TLCD1: variants seen among roughly 807,000 people sequenced by gnomAD.
TLCD1 encodes TLC domain-containing protein 1.
TLCD1 carries 21 observed loss-of-function variants against 21.2 expected under a neutral mutation model. The observed-to-expected ratio is 0.99, with a 90% confidence interval of 0.70 to 1.42. The LOEUF (loss-of-function observed/expected upper bound fraction) is 1.42, where lower values mean the gene tolerates loss of function less well. TLCD1 is among the 40% of genes most tolerant of loss of function. The probability of loss-of-function intolerance (pLI) is 0.00; values close to 1 mark genes in which losing one functional copy is unlikely to be tolerated. For synonymous variants in TLCD1, 168 were observed against 134.8 expected, an observed-to-expected ratio of 1.25 and a Z score of -1.71; for missense variants, 344 against 330.3, an observed-to-expected ratio of 1.04 and a Z score of -0.32.
chr17:28,725,585 G>T (rs758081497), intron 1 of TLCD1, 22 bp from the exon 2 acceptor site: 9 of 1,610,910 alleles, frequency 5.6e-6, no homozygotes, highest in East Asian at 2.2e-5. Context: ...GGAAGAGGAG[G>T]CTCTGCATTT....
At chr17:28,726,951 C>T, upstream of TLCD1, 1 of 786,666 alleles carries the variant, frequency 1.3e-6, no homozygotes, top group Non-Finnish European at 2.1e-6. Flanking sequence ...TGGAGTGACC[C>T]GCGCTCTCCA....
chr17:28,725,574 G>A lies in TLCD1; in HGVS notation c.195-11C>T, dbSNP rs766593612. 6.2e-7 allele frequency: 1 copy of A among 1,613,686 alleles called. No homozygotes were observed. The highest frequency in any genetic ancestry group is 8.5e-7 in the Non-Finnish European group (1 of 1,179,672). Reference sequence around the variant, plus strand: ...GGAGTCTGCCATACACTGGAAAGGAGGGAAGAGGAGGCTCTGCATTTCGGC... The same window carrying A: ...GGAGTCTGCCATACACTGGAAAGGAAGGAAGAGGAGGCTCTGCATTTCGGC... On this transcript the variant is annotated splice_polypyrimidine_tract_variant and intron_variant, in intron 1 of 3. Transcript: ENST00000292090.
intron 3 of TLCD1, 46 bp from the exon 4 acceptor site, chr17:28,724,939 C>T (rs989803430): frequency 6.4e-7 from 1 of 1,571,564 alleles, no homozygotes. Flanking sequence ...GATGCAGACG[C>T]TTTCCTGGAA....
Position 28,725,496 on chromosome 17 carries a change from C to G in TLCD1, c.262G>C (p.Val88Leu), listed in dbSNP as rs746546574. ...TAWSLSGYLL[V>L]CFSAGYFIHD... ...CAAGACCTACCCGCAGAGAAGCAAACGAGCAAATAGCCAGAAAGTGACCAC... is the reference window on the plus strand; with the variant it reads ...CAAGACCTACCCGCAGAGAAGCAAAGGAGCAAATAGCCAGAAAGTGACCAC... Residue 88 changes from valine to leucine, a missense_variant, in exon 2 of 4, where the codon GTT becomes CTT. Transcript: ENST00000292090. 3 of 1,614,154 alleles carry G rather than the reference C, an allele frequency of 1.9e-6. No homozygotes were observed. Among genetic ancestry groups the G allele is most frequent in the Non-Finnish European group, 2.5e-6 (3 of 1,180,000 alleles).
At chr17:28,726,263 G>A (rs1597800911), upstream of TLCD1, 29 of 1,243,032 alleles carry the variant, frequency 2.3e-5, no homozygotes, top group South Asian at 8.3e-4. Flanking sequence ...CCCTCCCTGC[G>A]AGGCCTCTGC....
chr17:28,725,638 G>T, intron 1 of TLCD1, 75 bp from the exon 2 acceptor site: 1 of 1,491,372 alleles, frequency 6.7e-7, no homozygotes, highest in South Asian at 1.1e-5. Context: ...ACCCTTCGCA[G>T]CCCCGGGGGA....
chr17:28,726,618 G>C, upstream of TLCD1: 2 of 819,656 alleles, frequency 2.4e-6, no homozygotes, highest in Admixed American at 2.1e-5. Flanking sequence ...AGAGCTGGAC[G>C]GGACCCGACA....
At chr17:28,727,324 CTT>C (rs1383131571), upstream of TLCD1, 1 of 159,436 alleles carries the variant, frequency 6.3e-6, no homozygotes, top group Non-Finnish European at 1.4e-5. Flanking sequence ...CTGTGGGACT[CTT>C]AAGTCAACCA....
upstream of TLCD1, chr17:28,727,169 T>A: frequency 4.2e-6 from 1 of 239,484 alleles, no homozygotes; most frequent in Non-Finnish European, 8.0e-6. Flanking sequence ...AGGGTAGTAA[T>A]AGAGGAGGGG....
At position 28,725,368 on chromosome 17, in the gene TLCD1, G is replaced by A. The variant is rs138615825; in HGVS notation, c.296C>T (p.Thr99Met). Residue 99 changes from threonine (T) to methionine (M), a missense_variant, in exon 3 of 4, where the codon ACG becomes ATG. Physicochemically the swap from Thr to Met is moderately conservative, Grantham distance 81. Transcript: ENST00000292090. ...CTGTCCGCTAGCCACGATGTCCACC[G>A]TATCGTGGATGAAATACCCTAGTGG... is the stretch of plus-strand genomic sequence containing the variant. ...CFSAGYFIHD[T>M]VDIVASGQTR... 4.5e-4 allele frequency: 733 copies of A among 1,614,042 alleles called. No individual in the cohort carries two copies. Among genetic ancestry groups the A allele is most frequent in the Non-Finnish European group, 6.0e-4 (711 of 1,180,034 alleles).
intron 1 of TLCD1, 54 bp from the exon 2 acceptor site, chr17:28,725,617 A>G (rs1051597524): frequency 6.4e-7 from 1 of 1,573,848 alleles, no homozygotes. Flanking sequence ...AGGACCATCA[A>G]CTTCTCGGTT....
At chr17:28,727,102 G>A (rs966964997), upstream of TLCD1, among the ~76,000 whole-genome samples, 1 of 152,124 alleles carries the variant, frequency 6.6e-6, no homozygotes, top group African/African-American at 2.4e-5. Context: ...GCGAAAGGAG[G>A]AGCAGCTGAG....
upstream of TLCD1, chr17:28,726,318 C>G (rs1377895776): frequency 7.3e-6 from 7 of 954,380 alleles, no homozygotes; most frequent in South Asian, 3.0e-4. Context: ...CGCCTGCCCC[C>G]GCCCCGTCCG....
Position 28,726,105 on chromosome 17 carries a change from C to T in TLCD1, c.-8G>A, listed in dbSNP as rs1413769808. On this transcript the variant is annotated 5_prime_UTR_variant, in exon 1 of 4. Coordinates refer to ENST00000292090, the MANE Select transcript of TLCD1 (RefSeq NM_138463.4). ...GTGCAGCAGTCGGGGCATGCTGGCC[C>T]TCCCTGCCGTCCGCCCTCGAGGCCG... The T allele has an allele frequency of 1.4e-6, 2 of 1,433,010 alleles. No individual in the cohort carries two copies. Among genetic ancestry groups the T allele is most frequent in the Non-Finnish European group, 1.8e-6 (2 of 1,104,308 alleles). 88.8% of individuals were successfully genotyped at this position (1,433,010 alleles called of 1,614,324 possible).
At position 28,725,989 on chromosome 17, in the gene TLCD1, C is replaced by A. The variant is rs532464471; in HGVS notation, c.109G>T (p.Ala37Ser). The change falls in exon 1 of 4, where the codon GCC (alanine) becomes TCC (serine). Residue 37 changes from alanine (A) to serine (S), a missense_variant. Physicochemically the swap from Ala to Ser is moderately conservative, Grantham distance 99. Coordinates refer to ENST00000292090, the MANE Select transcript of TLCD1 (RefSeq NM_138463.4). ...CAGCGCCAGGTGCGCAGGGGGTCGGCGCGCACGTGCACGGGTAGGGGCAGG... is the reference window on the plus strand; with the variant it reads ...CAGCGCCAGGTGCGCAGGGGGTCGGAGCGCACGTGCACGGGTAGGGGCAGG... ...CRLPLPVHVR[A>S]DPLRTWRWHN... The A allele has an allele frequency of 1.1e-5, 17 of 1,611,438 alleles. No individual in the cohort carries two copies. In the African/African-American group the frequency reaches 1.1e-4, roughly 10 times the overall value.
rs980089742 is a variant in TLCD1 at position 28,725,645 on chromosome 17, G to A, written c.195-82C>T. ...TCTCGGTTACCCTTCGCAGCCCCGGGGGATCCTGGGCTCGCGCTAGTGGCT... is the reference window on the plus strand; with the variant it reads ...TCTCGGTTACCCTTCGCAGCCCCGGAGGATCCTGGGCTCGCGCTAGTGGCT... On this transcript the variant is annotated intron_variant, in intron 1 of 3. Transcript: ENST00000292090. 3 of 1,443,130 alleles carry A rather than the reference G, an allele frequency of 2.1e-6. No homozygotes were observed. In the African/African-American group the frequency reaches 4.2e-5, roughly 20 times the overall value. The allele number at this position is 1,443,130 out of a possible 1,614,324, so 89.4% of individuals were successfully genotyped here.
At chr17:28,727,744 C>T (rs1022953609), upstream of TLCD1, 1 of 152,106 alleles carries the variant, frequency 6.6e-6, no homozygotes, top group Admixed American at 6.5e-5. Flanking sequence ...CTCAGCCTCC[C>T]GAGTAGCTGG....
In TLCD1 at chr17:28,726,117, C is replaced by A; in HGVS notation, c.-20G>T. ...GGGCATGCTGGCCCTCCCTGCCGTC[C>A]GCCCTCGAGGCCGCCTCCTAGGTCT... is the stretch of plus-strand genomic sequence containing the variant. On this transcript the variant is annotated 5_prime_UTR_variant, in exon 1 of 4. Transcript: ENST00000292090. The A allele has an allele frequency of 7.0e-7, 1 of 1,425,112 alleles. No homozygotes were observed. Among genetic ancestry groups the A allele is most frequent in the Non-Finnish European group, 9.1e-7 (1 of 1,101,206 alleles). The allele number at this position is 1,425,112 out of a possible 1,614,324, so 88.3% of individuals were successfully genotyped here. A position where few individuals can be genotyped will look rare whatever the true frequency, so the allele number is the denominator to read the frequency against.
Position 28,724,488 on chromosome 17 carries a change from G to C in TLCD1, c.*22C>G, listed in dbSNP as rs1203367806. The C allele has an allele frequency of 6.2e-7, 1 of 1,603,532 alleles. No individual in the cohort carries two copies. Among genetic ancestry groups the C allele is most frequent in the Non-Finnish European group, 8.5e-7 (1 of 1,173,340 alleles). ...GCTGTTTCTGGCCTTGTCCGTTTTT[G>C]TTGTCCCAGGCTCTGTGCCCCTCAC... On this transcript the variant is annotated 3_prime_UTR_variant, in exon 4 of 4. Transcript: ENST00000292090.
Sources: allele counts gnomAD v4.1 joint callset (sites outside exome capture counted in the v4.1 genomes callset), GRCh38; gene constraint gnomAD v4.1.1; transcripts MANE v1.5; gene names NCBI Gene and HGNC (gene_info 2026-07-23, HGNC 2026-07-21).